The following TRIM71 variants were observed in gnomAD, a reference collection of about 807,000 sequenced individuals.
TRIM71 encodes the protein tripartite motif containing 71, also known as E3 ubiquitin-protein ligase TRIM71.
In TRIM71, 9 loss-of-function variants were observed where a neutral mutation model predicts 61.2. That is an observed-to-expected ratio of 0.15 (90% CI 0.09 to 0.26). The LOEUF is 0.26. Among genes scored for constraint, TRIM71 ranks in the 10% least tolerant of loss-of-function variants. The pLI is 1.00. For missense variants in TRIM71, 998 were observed against 1,238.7 expected (o/e 0.81, Z 2.92); for synonymous variants, 645 against 553.2 (o/e 1.17, Z -2.33).
In TRIM71 at chr3:32,891,964, G is replaced by T; in HGVS notation, c.*153G>T. 1 of 1,105,236 alleles carries T rather than the reference G, an allele frequency of 9.0e-7. No homozygotes were observed. The highest frequency in any genetic ancestry group is 1.2e-6 in the Non-Finnish European group (1 of 809,422). The allele number at this position is 1,105,236 out of a possible 1,614,324, so 68.5% of individuals were successfully genotyped here. A position where few individuals can be genotyped will look rare whatever the true frequency, so the allele number is the denominator to read the frequency against. ...TTTTTTTTTAAAGAGAACAAGAAAAGTACAACATTGCTTAAGTCCTACCTC... is the reference window on the plus strand; with the variant it reads ...TTTTTTTTTAAAGAGAACAAGAAAATTACAACATTGCTTAAGTCCTACCTC... On this transcript the variant is annotated 3_prime_UTR_variant, in exon 4 of 4. Transcript: ENST00000383763. The surrounding 1 kb of genome is among the most constrained non-coding windows in gnomAD (Gnocchi z 8.2).
intron 1 of TRIM71, among the ~76,000 whole-genome samples, chr3:32,834,662 T>A (rs569588408): frequency 2.3e-4 from 35 of 152,192 alleles, no homozygotes; most frequent in African/African-American, 7.0e-4. Context: ...ACCAACATGG[T>A]GAAACCCCGT....
chr3:32,833,184 TAAAAAAAAAAAAAA>T (rs1182178339), intron 1 of TRIM71, among the ~76,000 whole-genome samples: 10 of 54,428 alleles, frequency 1.8e-4, no homozygotes, highest in Non-Finnish European at 2.3e-4. Context: ...ACTCTGTCTT[TAAAAAAAAAAAAAA>T]AAAAAAAAAA....
At chr3:32,823,969 G>C (rs1696170583) in intron 1 of TRIM71, among the ~76,000 whole-genome samples, 1 of 151,976 alleles carries the variant, frequency 6.6e-6, no homozygotes, top group Non-Finnish European at 1.5e-5. Context: ...CAGCTACCCA[G>C]GAGGCTGAGG....
At chr3:32,818,971 A>G in intron 1 of TRIM71, 39 bp downstream of exon 1, 1 of 1,597,880 alleles carries the variant, frequency 6.3e-7, no homozygotes, top group Non-Finnish European at 8.5e-7. Flanking sequence ...CCATCGGATA[A>G]CTGCGTGTGT....
intron 1 of TRIM71, among the ~76,000 whole-genome samples, chr3:32,872,740 T>C (rs1187654126): frequency 6.6e-6 from 1 of 152,212 alleles, no homozygotes; most frequent in East Asian, 1.9e-4. Flanking sequence ...GCTTCCCTGC[T>C]GTGTCTTTGC....
chr3:32,825,219 CTT>C (rs1291664827), intron 1 of TRIM71, among the ~76,000 whole-genome samples: 4 of 152,088 alleles, frequency 2.6e-5, no homozygotes, highest in Non-Finnish European at 5.9e-5. Flanking sequence ...GGCTTTATGT[CTT>C]TTCACTGAAA....
At chr3:32,848,552 CAT>C (rs912623982) in intron 1 of TRIM71, among the ~76,000 whole-genome samples, 1 of 152,286 alleles carries the variant, frequency 6.6e-6, no homozygotes, top group Admixed American at 6.5e-5. Context: ...CTCTTTATCT[CAT>C]ATTTCTTAAT....
chr3:32,823,962 C>T (rs1282309525), intron 1 of TRIM71, among the ~76,000 whole-genome samples: 1 of 151,678 alleles, frequency 6.6e-6, no homozygotes, highest in Non-Finnish European at 1.5e-5. Flanking sequence ...GTAGTCCCAG[C>T]TACCCAGGAG....
At chr3:32,857,142 T>C (rs572741395) in intron 1 of TRIM71, among the ~76,000 whole-genome samples, 1 of 152,314 alleles carries the variant, frequency 6.6e-6, no homozygotes, top group South Asian at 2.1e-4. Flanking sequence ...CACACTTCTC[T>C]TCAGGAGCTT....
rs761022348 is a variant in TRIM71, at chr3:32,818,173, G to A, written c.93G>A (p.Ala31=). 8 of 1,601,890 alleles carry A rather than the reference G, an allele frequency of 5.0e-6. No individual in the cohort carries two copies. Among genetic ancestry groups the A allele is most frequent in the Admixed American group, 1.7e-5 (1 of 59,158 alleles). ...CGCCGCTCTCCTCCAACTCGTCCGCGTCGTCGTCCTCCTCGCAGACGTCCA... is the reference window on the plus strand; with the variant it reads ...CGCCGCTCTCCTCCAACTCGTCCGCATCGTCGTCCTCCTCGCAGACGTCCA... The part of the protein sequence containing the change: ...SPAPLSSNSS[A]SSSSSQTSTS... Residue 31 remains alanine, a synonymous_variant, in exon 1 of 4, where the codon GCG becomes GCA. Coordinates refer to ENST00000383763, the MANE Select transcript of TRIM71 (RefSeq NM_001039111.3).
In TRIM71 at chr3:32,835,867, C is replaced by T. The variant is rs140911943; in HGVS notation, c.852+16935C>T. 1.4e-3 allele frequency among the ~76,000 whole-genome samples: 211 copies of T among 152,186 alleles called. 2 individuals are homozygous for T. The highest frequency in any genetic ancestry group is 4.7e-3 in the African/African-American group (196 of 41,484). ...TTCCAAAGTTGTGGTGTACCAGGTTCGTGGGGCTCCTTTCAAGCAACCATT... is the reference window on the plus strand; with the variant it reads ...TTCCAAAGTTGTGGTGTACCAGGTTTGTGGGGCTCCTTTCAAGCAACCATT... On this transcript the variant is annotated intron_variant, in intron 1 of 3. Coordinates refer to ENST00000383763, the MANE Select transcript of TRIM71 (RefSeq NM_001039111.3).
At chr3:32,864,847 TGTG>T (rs1453738614) in intron 1 of TRIM71, among the ~76,000 whole-genome samples, 2 of 890 alleles carry the variant, frequency 2.2e-3, no homozygotes, top group African/African-American at 4.4e-3. Flanking sequence ...AATTAAGTGG[TGTG>T]TGTGTGTGTG....
intron 1 of TRIM71, among the ~76,000 whole-genome samples, chr3:32,831,677 C>T (rs1436894921): frequency 1.3e-5 from 2 of 151,728 alleles, no homozygotes; most frequent in African/African-American, 4.8e-5. Flanking sequence ...GCTGGGACTA[C>T]AGGCGCGTGC....
chr3:32,887,712 A>G (rs1662496916), intron 3 of TRIM71, among the ~76,000 whole-genome samples: 1 of 149,834 alleles, frequency 6.7e-6, no homozygotes, highest in African/African-American at 2.5e-5. Context: ...GGTTAGCTGC[A>G]TATATATAGT....
intron 1 of TRIM71, among the ~76,000 whole-genome samples, chr3:32,831,599 C>A (rs553281890): frequency 7.2e-6 from 1 of 138,884 alleles, no homozygotes; most frequent in Non-Finnish European, 1.5e-5. Flanking sequence ...AGTACAATGG[C>A]GCGATCTCGG....
chr3:32,851,018 C>T (rs1424278306), intron 1 of TRIM71, among the ~76,000 whole-genome samples: 1 of 152,162 alleles, frequency 6.6e-6, no homozygotes, highest in East Asian at 1.9e-4. Flanking sequence ...TCAAAACAAG[C>T]CTCTCCACTT....
At chr3:32,842,524 A>C (rs1236673070) in intron 1 of TRIM71, among the ~76,000 whole-genome samples, 1 of 152,222 alleles carries the variant, frequency 6.6e-6, no homozygotes, top group Non-Finnish European at 1.5e-5. Context: ...CCAGCATAGC[A>C]CTTGTCAAAT....
chr3:32,868,787 C>T (rs987039924), intron 1 of TRIM71, among the ~76,000 whole-genome samples: 1 of 152,004 alleles, frequency 6.6e-6, no homozygotes, highest in African/African-American at 2.4e-5. Flanking sequence ...AACACTCCCT[C>T]CTCATACTCC....
At position 32,890,843 on chromosome 3, in the gene TRIM71, A is replaced by G. The variant is rs1275443190; in HGVS notation, c.1639A>G (p.Thr547Ala). ...GAEVSDQQNG[T>A]YVVSYRPQLE... ...AGAGGTGAGTGATCAGCAGAATGGG[A>G]CATACGTGGTGAGTTACCGACCCCA... The change falls in exon 4 of 4, where the codon ACA (threonine) becomes GCA (alanine). Residue 547 changes from threonine to alanine, a missense_variant. Around this residue, in one of 5 missense-constraint regions of TRIM71, gnomAD observed 291 missense variants for 431.2 expected, o/e 0.67. Transcript: ENST00000383763. This position sits in a 1 kb window ranked among gnomAD's most constrained non-coding sequence, Gnocchi z 6.2. The G allele has an allele frequency of 6.2e-7, 1 of 1,614,194 alleles. No homozygotes were observed. Among genetic ancestry groups the G allele is most frequent in the Admixed American group, 1.7e-5 (1 of 60,022 alleles).
Sources: allele counts gnomAD v4.1 joint callset (sites outside exome capture counted in the v4.1 genomes callset), GRCh38; gene constraint gnomAD v4.1.1; regional missense constraint gnomAD v4.1.1; non-coding constraint Gnocchi (gnomAD v3.1); transcripts MANE v1.5; gene names NCBI Gene and HGNC (gene_info 2026-07-23, HGNC 2026-07-21).